The following ACSM1 variants were observed in gnomAD, a reference collection of about 807,000 sequenced individuals.
ACSM1 encodes the protein acyl-coenzyme A synthetase ACSM1, mitochondrial.
A neutral mutation model predicts 75.8 loss-of-function variants in ACSM1; 79 were observed. That is an observed-to-expected ratio of 1.04 (90% CI 0.87 to 1.26). The LOEUF (loss-of-function observed/expected upper bound fraction) is 1.26, where lower values mean the gene tolerates loss of function less well. Ranked by LOEUF, ACSM1 falls within the 50% of genes most tolerant of loss-of-function variation. ACSM1 has a pLI of 0.00. For synonymous variants in ACSM1, 279 were observed against 265.8 expected, an observed-to-expected ratio of 1.05 and a Z score of -0.48; for missense variants, 676 against 720.1, an observed-to-expected ratio of 0.94 and a Z score of 0.70.
intron 10 of ACSM1, among the ~76,000 whole-genome samples, chr16:20,631,823 C>A (rs2017364722): frequency 6.6e-6 from 1 of 152,140 alleles, no homozygotes; most frequent in African/African-American, 2.4e-5. Context: ...TATGAAGGCA[C>A]AAAGGCAAAG....
At chr16:20,628,961 C>T (rs1315880131) in intron 10 of ACSM1, among the ~76,000 whole-genome samples, 1 of 152,056 alleles carries the variant, frequency 6.6e-6, no homozygotes. Flanking sequence ...TTAAGAGCTA[C>T]CCGAAAAAAA....
intron 1 of ACSM1, among the ~76,000 whole-genome samples, chr16:20,695,183 C>G (rs1356870002): frequency 6.6e-6 from 1 of 152,194 alleles, no homozygotes; most frequent in African/African-American, 2.4e-5. Context: ...GTAGCTGAAA[C>G]AGCATGGCCC....
intron 13 of ACSM1, 150 bp from the exon 14 acceptor site, chr16:20,623,722 T>C: frequency 1.2e-6 from 1 of 836,060 alleles, no homozygotes; most frequent in Non-Finnish European, 1.8e-6. Context: ...TTTCAGGTTC[T>C]CCCCCTGGCC....
At chr16:20,655,825 G>A (rs988826772) in intron 7 of ACSM1, among the ~76,000 whole-genome samples, 7 of 151,952 alleles carry the variant, frequency 4.6e-5, no homozygotes, top group African/African-American at 1.7e-4. Flanking sequence ...ACCACCCCTG[G>A]CTAATTTTTC....
At chr16:20,685,458 T>G in intron 2 of ACSM1, 55 bp from the exon 3 acceptor site, 2 of 1,507,166 alleles carry the variant, frequency 1.3e-6, no homozygotes, top group Non-Finnish European at 1.8e-6. Flanking sequence ...AAAGGGCACT[T>G]AGTAAACTAA....
Position 20,644,233 on chromosome 16 carries a change from C to T in ACSM1, c.993-3649G>A, listed in dbSNP as rs143747769. Among the ~76,000 whole-genome samples the T allele has an allele frequency of 1.5e-4, 23 of 152,330 alleles. 1 individual carries two copies. The East Asian group carries it at 4.4e-3, about 29-fold the overall frequency. On this transcript the variant is annotated intron_variant, in intron 7 of 13. Coordinates refer to ENST00000520010, the MANE Select transcript of ACSM1 (RefSeq NM_001318890.3). ...TGCATTCAATCTGTAGCAGCAACTGCTTCGCTAGCAGAAGAAAGTAGAAAA... is the reference window on the plus strand; with the variant it reads ...TGCATTCAATCTGTAGCAGCAACTGTTTCGCTAGCAGAAGAAAGTAGAAAA...
chr16:20,624,341 G>A, intron 12 of ACSM1, 126 bp from the exon 13 acceptor site: 1 of 1,162,214 alleles, frequency 8.6e-7, no homozygotes, highest in Non-Finnish European at 1.1e-6. Context: ...GAAAAGGAGA[G>A]GACCAGGTGT....
chr16:20,675,301 A>G lies in ACSM1; in HGVS notation c.612-3630T>C, dbSNP rs1026701342. 2.6e-5 allele frequency among the ~76,000 whole-genome samples: 4 copies of G among 152,276 alleles called. No individual in the cohort carries two copies. The East Asian group carries it at 5.8e-4, about 22-fold the overall frequency. ...AAAGAGACGGTCTCAGGAGAGGCCA[A>G]TGCGGGGAGTAATGTGGGGAGGCAC... is the stretch of plus-strand genomic sequence containing the variant. On this transcript the variant is annotated intron_variant, in intron 4 of 13. Coordinates refer to ENST00000520010, the MANE Select transcript of ACSM1 (RefSeq NM_001318890.3).
intron 4 of ACSM1, among the ~76,000 whole-genome samples, chr16:20,677,838 A>G (rs2079337624): frequency 6.6e-6 from 1 of 152,056 alleles, no homozygotes; most frequent in Non-Finnish European, 1.5e-5. Context: ...TGCTTCTGAC[A>G]CTTTCCATGT....
chr16:20,682,040 G>A (rs550274666), intron 4 of ACSM1: 3 of 492,518 alleles, frequency 6.1e-6, no homozygotes, highest in African/African-American at 5.8e-5. Flanking sequence ...TCTGTAGTAA[G>A]CTTCCCCCTG....
At chr16:20,625,975 A>G (rs1001128957) in intron 11 of ACSM1, among the ~76,000 whole-genome samples, 3 of 152,232 alleles carry the variant, frequency 2.0e-5, no homozygotes, top group Non-Finnish European at 4.4e-5. Flanking sequence ...AAAACACTCA[A>G]GCACACTAGC....
intron 8 of ACSM1, among the ~76,000 whole-genome samples, chr16:20,639,808 T>C (rs2017943660): frequency 6.6e-6 from 1 of 152,154 alleles, no homozygotes; most frequent in African/African-American, 2.4e-5. Flanking sequence ...AGAAGGGACC[T>C]TTCCACTATG....
rs563014407 is a variant in ACSM1, at chr16:20,640,462, G to A, written c.1115C>T (p.Thr372Met). ...LLYENYGQSE[T>M]GLICATYWGM... ...CACTTTCTGGTTTGCACCACCTACC[G>A]TTTCCGACTGCCCATAGTTCTCGTA... The change falls in exon 8 of 14, where the codon ACG (threonine) becomes ATG (methionine). Residue 372 changes from threonine (T) to methionine (M), a missense_variant and splice_region_variant. Coordinates refer to ENST00000520010, the MANE Select transcript of ACSM1 (RefSeq NM_001318890.3). 57 of 1,614,040 alleles carry A rather than the reference G, an allele frequency of 3.5e-5. No individual in the cohort carries two copies. The highest frequency in any genetic ancestry group is 5.3e-5 in the African/African-American group (4 of 74,992).
chr16:20,653,518 C>G (rs1250655918), intron 7 of ACSM1, among the ~76,000 whole-genome samples: 1 of 152,090 alleles, frequency 6.6e-6, no homozygotes, highest in Non-Finnish European at 1.5e-5. Context: ...TCGTCTCAGC[C>G]CAAAATCTCC....
intron 7 of ACSM1, among the ~76,000 whole-genome samples, chr16:20,654,193 G>C (rs919437553): frequency 2.6e-5 from 4 of 152,164 alleles, no homozygotes; most frequent in African/African-American, 9.7e-5. Context: ...GGGATAACTG[G>C]CTAGCCATAT....
intron 7 of ACSM1, among the ~76,000 whole-genome samples, chr16:20,654,156 AG>A (rs1300546514): frequency 6.6e-6 from 1 of 152,234 alleles, no homozygotes; most frequent in Non-Finnish European, 1.5e-5. Flanking sequence ...AAATGGGGAA[AG>A]GATTCCCTGT....
chr16:20,676,214 A>G (rs986199862), intron 4 of ACSM1: 17 of 152,284 alleles, frequency 1.1e-4, no homozygotes, highest in Non-Finnish European at 2.1e-4. Context: ...CGCCCAAGTT[A>G]TGCTTATGCC....
In ACSM1 at chr16:20,650,045, C is replaced by G. The variant is rs2018565629; in HGVS notation, c.993-9461G>C. 2.6e-5 allele frequency among the ~76,000 whole-genome samples: 4 copies of G among 152,138 alleles called. No homozygotes were observed. The South Asian group carries it at 8.3e-4, about 31-fold the overall frequency. ...AAGGTACCAGCAGGGCCCACTGAAG[C>G]CTATTCTTTTGAGCTTCTCCTCTGG... is the stretch of plus-strand genomic sequence containing the variant. On this transcript the variant is annotated intron_variant, in intron 7 of 13. Coordinates refer to ENST00000520010, the MANE Select transcript of ACSM1 (RefSeq NM_001318890.3).
chr16:20,658,906 C>G (rs1286759933), intron 7 of ACSM1, among the ~76,000 whole-genome samples: 1 of 152,076 alleles, frequency 6.6e-6, no homozygotes, highest in African/African-American at 2.4e-5. Flanking sequence ...AGTAAGGTAA[C>G]CACATTGTGA....
Sources: gnomAD v4.1 joint callset for allele counts (sites outside exome capture counted in the v4.1 genomes callset) on GRCh38, gnomAD v4.1.1 for gene constraint, MANE v1.5 for transcripts, NCBI Gene and HGNC (gene_info 2026-07-23, HGNC 2026-07-21) for gene names.